VANGL2: variants seen among roughly 807,000 people sequenced by gnomAD.
VANGL2 encodes VANGL planar cell polarity protein 2.
In VANGL2, 14 loss-of-function variants were observed where a neutral mutation model predicts 50.2. The observed-to-expected ratio is 0.28, with a 90% confidence interval of 0.18 to 0.44. The LOEUF (loss-of-function observed/expected upper bound fraction) is 0.44, where lower values mean the gene tolerates loss of function less well. Ranked by LOEUF, VANGL2 falls within the 20% of genes least tolerant of loss-of-function variation. VANGL2 has a pLI of 1.00. For synonymous variants in VANGL2, 295 were observed against 297.2 expected (o/e 0.99, Z 0.08); for missense variants, 533 against 701.5 (o/e 0.76, Z 2.71).
intron 2 of VANGL2, 32 bp from the exon 3 acceptor site, chr1:160,416,030 C>G: frequency 6.2e-7 from 1 of 1,614,184 alleles, no homozygotes; most frequent in Non-Finnish European, 8.5e-7. Context: ...CACCACTGGA[C>G]TTTCTGTGCC....
intron 1 of VANGL2, among the ~76,000 whole-genome samples, chr1:160,404,032 A>G (rs762215082): frequency 5.9e-5 from 9 of 152,258 alleles, no homozygotes; most frequent in Non-Finnish European, 1.0e-4. Context: ...TAGAGAAAGC[A>G]CGTTGCACAG....
chr1:160,423,826 T>C (rs1651353937), intron 6 of VANGL2, among the ~76,000 whole-genome samples: 1 of 152,276 alleles, frequency 6.6e-6, no homozygotes, highest in Non-Finnish European at 1.5e-5. Flanking sequence ...TCTCTGGGTT[T>C]GACACTAGGT....
chr1:160,409,261 A>G (rs1471830440), intron 1 of VANGL2, among the ~76,000 whole-genome samples: 1 of 152,240 alleles, frequency 6.6e-6, no homozygotes, highest in Admixed American at 6.5e-5. Flanking sequence ...CGATTTTCCA[A>G]CAATTAGAGG....
In VANGL2 at chr1:160,405,400, G is replaced by A. The variant is rs143539670; in HGVS notation, c.-191+4531G>A. 5.9e-5 allele frequency among the ~76,000 whole-genome samples: 9 copies of A among 152,274 alleles called. No homozygotes were observed. The East Asian group carries it at 1.5e-3, about 26-fold the overall frequency. ...GTTGTAGTCTGGATAGAACTGTGGT[G>A]GGCCAGGGAGAATGTTTGCATTCCT... On this transcript the variant is annotated intron_variant, in intron 1 of 7. Transcript: ENST00000368061.
At position 160,420,270 on chromosome 1, in the gene VANGL2, G is replaced by T. The variant is rs1338641401; in HGVS notation, c.801-141G>T. On this transcript the variant is annotated intron_variant, in intron 4 of 7. Transcript: ENST00000368061. Reference sequence around the variant, plus strand: ...TGGGAGCCTGGTAAGTAGACCTCAGGCCCGGAGTCAGGCTTCTCGGAAGCA... The same window carrying T: ...TGGGAGCCTGGTAAGTAGACCTCAGTCCCGGAGTCAGGCTTCTCGGAAGCA... The T allele has an allele frequency of 7.1e-6, 8 of 1,122,430 alleles. No individual in the cohort carries two copies. In the African/African-American group the frequency reaches 1.2e-4, roughly 17 times the overall value. The allele number at this position is 1,122,430 out of a possible 1,614,324, so 69.5% of individuals were successfully genotyped here.
chr1:160,406,188 C>T (rs773838571), intron 1 of VANGL2, among the ~76,000 whole-genome samples: 1 of 152,198 alleles, frequency 6.6e-6, no homozygotes, highest in African/African-American at 2.4e-5. Context: ...TTACATAGCT[C>T]GTAAAAGGCT....
In VANGL2 at chr1:160,425,252, A is replaced by G; in HGVS notation, c.1440A>G (p.Leu480=). 1.2e-6 allele frequency: 2 copies of G among 1,614,088 alleles called. No individual in the cohort carries two copies. The highest frequency in any genetic ancestry group is 1.1e-5 in the South Asian group (1 of 91,080). Residue 480 remains leucine, a synonymous_variant, in exon 8 of 8, where the codon TTA becomes TTG. Transcript: ENST00000368061. The stretch of plus-strand genomic sequence containing the variant: ...TCAAGGATGGCATCGTTTTCCTCTT[A>G]AAACGCCAGGACTTCAGCCTGGTGG... The part of the protein sequence containing the change: ...NGLKDGIVFL[L]KRQDFSLVVS...
chr1:160,406,471 C>T (rs979665166), intron 1 of VANGL2, among the ~76,000 whole-genome samples: 1 of 152,178 alleles, frequency 6.6e-6, no homozygotes, highest in African/African-American at 2.4e-5. Context: ...GCAGAAACCT[C>T]TCCTGGGGTG....
rs1218051803 is a variant in VANGL2, at chr1:160,421,200, G to A, written c.1073+13G>A. 1 of 1,612,518 alleles carries A rather than the reference G, an allele frequency of 6.2e-7. No individual in the cohort carries two copies. The highest frequency in any genetic ancestry group is 2.2e-5 in the East Asian group (1 of 44,874). ...AGAGGAGGGCCAGGTGGGTCCCTGGGGGAGAAGAGGAGAGGAGGTGCTTGT... is the reference window on the plus strand; with the variant it reads ...AGAGGAGGGCCAGGTGGGTCCCTGGAGGAGAAGAGGAGAGGAGGTGCTTGT... On this transcript the variant is annotated intron_variant, in intron 6 of 7. Coordinates refer to ENST00000368061, the MANE Select transcript of VANGL2 (RefSeq NM_020335.3).
chr1:160,412,964 T>C (rs1650932838), intron 1 of VANGL2, among the ~76,000 whole-genome samples: 1 of 152,224 alleles, frequency 6.6e-6, no homozygotes, highest in Non-Finnish European at 1.5e-5. Flanking sequence ...TAACATGCTG[T>C]ACAGGTTTGT....
In VANGL2 at chr1:160,419,678, G is replaced by A. The variant is rs1557911033; in HGVS notation, c.800+69G>A. The A allele has an allele frequency of 1.3e-6, 2 of 1,568,342 alleles. No homozygotes were observed. Among genetic ancestry groups the A allele is most frequent in the African/African-American group, 1.3e-5 (1 of 74,150 alleles). On this transcript the variant is annotated intron_variant, in intron 4 of 7. Transcript: ENST00000368061. The surrounding 1 kb of genome is among the most constrained non-coding windows in gnomAD (Gnocchi z 5.8). Reference sequence around the variant, plus strand: ...GGGAGGATGTGGAGTGACTGCTAGGGTGGGAGGGTATGATGGTGGGCTGGA... The same window carrying A: ...GGGAGGATGTGGAGTGACTGCTAGGATGGGAGGGTATGATGGTGGGCTGGA...
chr1:160,406,749 T>G (rs75695145), intron 1 of VANGL2, among the ~76,000 whole-genome samples: 6,856 of 150,560 alleles, frequency 0.046, 183 homozygotes, highest in African/African-American at 0.077. Context: ...TTTTTTTTTT[T>G]GAAACCGTTT....
chr1:160,423,955 A>G, intron 6 of VANGL2, 97 bp from the exon 7 acceptor site: 1 of 1,371,766 alleles, frequency 7.3e-7, no homozygotes, highest in Admixed American at 1.7e-5. Flanking sequence ...CAAAGGCCTG[A>G]CCTCATTCAG....
chr1:160,421,215 G>C, intron 6 of VANGL2, 28 bp downstream of exon 6: 1 of 1,611,844 alleles, frequency 6.2e-7, no homozygotes, highest in Non-Finnish European at 8.5e-7. Flanking sequence ...AAGAGGAGAG[G>C]AGGTGCTTGT....
Position 160,419,436 on chromosome 1 carries a change from G to T in VANGL2, c.627G>T (p.Glu209Asp), listed in dbSNP as rs1284207963. Residue 209 changes from glutamate to aspartate, a missense_variant, in exon 4 of 8, where the codon GAG becomes GAT. Physicochemically the swap from Glu to Asp is conservative, Grantham distance 45 (BLOSUM62 2). Transcript: ENST00000368061. The surrounding 1 kb of genome is among the most constrained non-coding windows in gnomAD (Gnocchi z 5.8). ...GTGTGCGCATCCTGGATGCTCGGGAGCGCAGCTACCAGGGCGTGGTGCAGT... is the reference window on the plus strand; with the variant it reads ...GTGTGCGCATCCTGGATGCTCGGGATCGCAGCTACCAGGGCGTGGTGCAGT... ...FYGVRILDAR[E>D]RSYQGVVQFA... The T allele has an allele frequency of 6.2e-7, 1 of 1,611,286 alleles. No individual in the cohort carries two copies. The highest frequency in any genetic ancestry group is 1.3e-5 in the African/African-American group (1 of 75,040).
In VANGL2 at chr1:160,416,284, A is replaced by G. The variant is rs1422727929; in HGVS notation, c.192+102A>G. The G allele has an allele frequency of 4.4e-6, 7 of 1,591,572 alleles. No homozygotes were observed. The African/African-American group carries it at 8.1e-5, about 18-fold the overall frequency. On this transcript the variant is annotated intron_variant, in intron 3 of 7. Transcript: ENST00000368061. ...GGGGAGGGCTTGGAAACCTGGTCTC[A>G]GACAGCCATCAGATCGGGGAGTGTG...
At position 160,415,816 on chromosome 1, in the gene VANGL2, C is replaced by T. The variant is rs1479288213; in HGVS notation, c.-22C>T. 3.1e-6 allele frequency: 5 copies of T among 1,609,366 alleles called. No homozygotes were observed. In the Admixed American group the frequency reaches 5.1e-5, roughly 16 times the overall value. Reference sequence around the variant, plus strand: ...CCCAGCCTGCGGCCCTGGAGCGCTACAAGGCGCGGCGTTCAGACGCCATGG... The same window carrying T: ...CCCAGCCTGCGGCCCTGGAGCGCTATAAGGCGCGGCGTTCAGACGCCATGG... On this transcript the variant is annotated 5_prime_UTR_variant, in exon 2 of 8. Coordinates refer to ENST00000368061, the MANE Select transcript of VANGL2 (RefSeq NM_020335.3).
At chr1:160,423,766 A>G (rs987022447) in intron 6 of VANGL2, among the ~76,000 whole-genome samples, 6 of 152,240 alleles carry the variant, frequency 3.9e-5, no homozygotes, top group Non-Finnish European at 8.8e-5. Context: ...GGTTTTCCTT[A>G]AAGTTTGGTG....
intron 7 of VANGL2, among the ~76,000 whole-genome samples, chr1:160,424,611 G>A (rs1042885347): frequency 1.3e-5 from 2 of 152,162 alleles, no homozygotes; most frequent in Non-Finnish European, 2.9e-5. Context: ...TCCACTAGCT[G>A]GTCTTGGCTT....
Sources: gnomAD v4.1 joint callset for allele counts (sites outside exome capture counted in the v4.1 genomes callset) on GRCh38, gnomAD v4.1.1 for gene constraint, Gnocchi (gnomAD v3.1) non-coding constraint, MANE v1.5 for transcripts, NCBI Gene and HGNC (gene_info 2026-07-23, HGNC 2026-07-21) for gene names.